SRGAP2B: variants seen among roughly 807,000 people sequenced by gnomAD.
SRGAP2B encodes SLIT-ROBO Rho GTPase-activating protein 2B.
SRGAP2B carries 9 observed loss-of-function variants against 22.2 expected under a neutral mutation model. The ratio of observed to expected loss-of-function variants is 0.41; its 90% CI spans 0.24 to 0.71. SRGAP2B has a LOEUF of 0.71. SRGAP2B is among the 30% of genes least tolerant of loss of function. The pLI is 0.35. For synonymous variants in SRGAP2B, 36 were observed against 87.4 expected, an observed-to-expected ratio of 0.41 and a Z score of 3.28; for missense variants, 114 against 235.8, an observed-to-expected ratio of 0.48 and a Z score of 3.38.
At chr1:144,960,399 C>G (rs1553611056) in intron 3 of SRGAP2B, among the ~76,000 whole-genome samples, 1 of 150,850 alleles carries the variant, frequency 6.6e-6, no homozygotes, top group African/African-American at 2.5e-5. Context: ...GCCTGTACAT[C>G]TGCAGGAGAC....
At position 144,933,056 on chromosome 1, in the gene SRGAP2B, C is replaced by A. The variant is rs1201316377; in HGVS notation, c.424-18302G>T. Among the ~76,000 whole-genome samples the A allele has an allele frequency of 6.6e-3, 1,006 of 151,726 alleles. 8 individuals carry two copies. The highest frequency in any genetic ancestry group is 5.1e-3 in the Non-Finnish European group (344 of 67,926). ...GTAGCTCCCAAAGAGGGCATCACTGCTCATCAGTACCCCTACCCCGGCCCT... is the reference window on the plus strand; with the variant it reads ...GTAGCTCCCAAAGAGGGCATCACTGATCATCAGTACCCCTACCCCGGCCCT... On this transcript the variant is annotated intron_variant, in intron 4 of 9. Transcript: ENST00000612199.
intron 4 of SRGAP2B, among the ~76,000 whole-genome samples, chr1:144,930,788 T>C (rs1388360786): frequency 6.7e-5 from 10 of 148,970 alleles, no homozygotes; most frequent in Non-Finnish European, 1.3e-4. Flanking sequence ...ATCTGTCTCC[T>C]TCTTTTCATT....
chr1:145,021,736 C>G lies in SRGAP2B; in HGVS notation c.68-26536G>C, dbSNP rs1225046684. 1.3e-5 allele frequency among the ~76,000 whole-genome samples: 2 copies of G among 149,376 alleles called. 1 individual carries two copies. The highest frequency in any genetic ancestry group is 5.1e-5 in the African/African-American group (2 of 39,300). On this transcript the variant is annotated intron_variant, in intron 2 of 9. Coordinates refer to ENST00000612199, the Ensembl canonical transcript of SRGAP2B. ...GGCTGACGCAGGAGAATCTCTTGAA[C>G]CCAGGAGGCAGAGGTTGCCGTGAGC...
intron 4 of SRGAP2B, among the ~76,000 whole-genome samples, chr1:144,931,486 A>C (rs1268088968): frequency 3.3e-5 from 5 of 150,660 alleles, no homozygotes; most frequent in Non-Finnish European, 7.4e-5. Flanking sequence ...AATATTCTTG[A>C]TGTATCAGTT....
intron 3 of SRGAP2B, among the ~76,000 whole-genome samples, chr1:144,960,337 C>A (rs1294025430): frequency 1.3e-5 from 2 of 150,548 alleles, no homozygotes; most frequent in Non-Finnish European, 2.9e-5. Flanking sequence ...TCATACTATA[C>A]CTGAGAGGGA....
chr1:145,019,140 C>T (rs1464217919), intron 2 of SRGAP2B, among the ~76,000 whole-genome samples: 2 of 40,348 alleles, frequency 5.0e-5, no homozygotes, highest in African/African-American at 1.1e-4. Context: ...TCCAGGGGTT[C>T]GAGACCAGCC....
At chr1:145,013,440 G>A (rs1441419133) in intron 2 of SRGAP2B, among the ~76,000 whole-genome samples, 2 of 150,444 alleles carry the variant, frequency 1.3e-5, no homozygotes, top group Non-Finnish European at 2.9e-5. Context: ...CCAAAGGTAG[G>A]CAACAAGCTC....
chr1:145,013,018 G>T (rs1553622511), intron 2 of SRGAP2B, among the ~76,000 whole-genome samples: 3 of 150,572 alleles, frequency 2.0e-5, no homozygotes, highest in African/African-American at 7.5e-5. Context: ...ACAAGGCAAA[G>T]ATTGCACTGA....
chr1:144,970,645 TA>T (rs782116324), intron 3 of SRGAP2B, among the ~76,000 whole-genome samples: 74 of 128,434 alleles, frequency 5.8e-4, no homozygotes, highest in African/African-American at 2.1e-3. Flanking sequence ...CTTAAAGTAT[TA>T]AAAAAAAAAA....
At position 145,075,856 on chromosome 1, in the gene SRGAP2B, G is replaced by A; in HGVS notation, c.67+16979C>T. On this transcript the variant is annotated intron_variant, in intron 2 of 9. Transcript: ENST00000612199. ...TAATCCCAGCACTTTGGGAGGCCAA[G>A]GTGGGAAGATCACTTGAGGTCAGGA... 1.3e-5 allele frequency among the ~76,000 whole-genome samples: 2 copies of A among 149,394 alleles called. 1 individual carries two copies. Among genetic ancestry groups the A allele is most frequent in the Non-Finnish European group, 3.0e-5 (2 of 67,522 alleles).
chr1:144,966,452 G>A (rs1368695540), intron 3 of SRGAP2B, among the ~76,000 whole-genome samples: 1 of 147,310 alleles, frequency 6.8e-6, no homozygotes, highest in Non-Finnish European at 1.5e-5. Context: ...GACCGATTTT[G>A]TCACCACCAG....
chr1:144,925,788 AAAG>A (rs1664686295), intron 4 of SRGAP2B, among the ~76,000 whole-genome samples: 1 of 103,004 alleles, frequency 9.7e-6, no homozygotes, highest in South Asian at 2.9e-4. Flanking sequence ...AGAAAGAAAG[AAAG>A]AAAGGAGAGA....
chr1:145,001,803 T>C (rs587703340), intron 2 of SRGAP2B, among the ~76,000 whole-genome samples: 3 of 150,952 alleles, frequency 2.0e-5, no homozygotes, highest in Admixed American at 2.0e-4. Context: ...GGCCGATTAC[T>C]AGAGCTCAGG....
At chr1:144,959,101 G>A (rs1667487878) in intron 3 of SRGAP2B, among the ~76,000 whole-genome samples, 1 of 148,318 alleles carries the variant, frequency 6.7e-6, no homozygotes. Context: ...AGCTGTACAG[G>A]TGAGCCTATA....
At chr1:144,954,819 T>G (rs1667139824) in intron 4 of SRGAP2B, among the ~76,000 whole-genome samples, 3 of 150,142 alleles carry the variant, frequency 2.0e-5, no homozygotes, top group Admixed American at 6.6e-5. Flanking sequence ...CCGAAAGCAT[T>G]CAGAGACCCA....
rs1424285214 is a variant in SRGAP2B at position 144,976,385 on chromosome 1, AG to A, written c.260+18622del. On this transcript the variant is annotated intron_variant, in intron 3 of 9. Transcript: ENST00000612199. ...CTTTAATATATATAAATATACAGAC[AG>A]ATAAAGAAATAGCTATTTATAGAAG... Among the ~76,000 whole-genome samples the A allele has an allele frequency of 2.1e-5, 3 of 141,270 alleles. 1 individual carries two copies. The highest frequency in any genetic ancestry group is 9.0e-5 in the African/African-American group (3 of 33,394). 92.7% of individuals were successfully genotyped at this position (141,270 alleles called of 152,430 possible). A position where few individuals can be genotyped will look rare whatever the true frequency, so the allele number is the denominator to read the frequency against.
intron 2 of SRGAP2B, among the ~76,000 whole-genome samples, chr1:145,022,578 C>T (rs1647265877): frequency 6.8e-6 from 1 of 147,958 alleles, no homozygotes; most frequent in South Asian, 2.1e-4. Context: ...TCTGAGTATA[C>T]CAGTCAGAGA....
At chr1:145,016,826 A>G (rs1168978317) in intron 2 of SRGAP2B, among the ~76,000 whole-genome samples, 2 of 150,734 alleles carry the variant, frequency 1.3e-5, no homozygotes, top group Non-Finnish European at 2.9e-5. Context: ...AGGTTCCAAC[A>G]AAGAAAAGCA....
At chr1:144,965,271 C>T in intron 3 of SRGAP2B, 1 of 459,154 alleles carries the variant, frequency 2.2e-6, no homozygotes, top group Non-Finnish European at 4.0e-6. Context: ...CAGTGGTTCT[C>T]CCAGCACGCA....
Sources: gnomAD v4.1 joint callset for allele counts (sites outside exome capture counted in the v4.1 genomes callset) on GRCh38, gnomAD v4.1.1 for gene constraint, MANE v1.5 for transcripts, NCBI Gene and HGNC (gene_info 2026-07-23, HGNC 2026-07-21) for gene names.